The following ATXN7 variants were observed in gnomAD, a reference collection of about 807,000 sequenced individuals.
The protein encoded by ATXN7 is ataxin-7.
Under a neutral mutation model 70.5 loss-of-function variants are expected in ATXN7, and 12 were observed. The observed-to-expected ratio is 0.17, with a 90% CI of 0.11 to 0.28. The LOEUF is 0.28. Ranked by LOEUF, ATXN7 falls within the 10% of genes least tolerant of loss-of-function variation. The pLI, the probability that ATXN7 is intolerant of heterozygous loss-of-function variation, is 1.00. For synonymous variants in ATXN7, 498 were observed against 448.7 expected, an observed-to-expected ratio of 1.11 and a Z score of -1.39; for missense variants, 1,256 against 1,131.7, an observed-to-expected ratio of 1.11 and a Z score of -1.58.
rs375491319 is a variant in ATXN7, at chr3:63,981,638, ATATT to A, written c.753-543_753-540del. ...AATTACCACTTTAGTGACACAACAT[ATATT>A]TATTAAACACTAGTCTCCCTTATTG... On this transcript the variant is annotated intron_variant, in intron 6 of 12. Coordinates refer to ENST00000674280, the MANE Select transcript of ATXN7 (RefSeq NM_001377405.1). Among the ~76,000 whole-genome samples the A allele has an allele frequency of 2.5e-4, 38 of 152,332 alleles. 1 individual carries two copies. The highest frequency in any genetic ancestry group is 8.9e-4 in the African/African-American group (37 of 41,578).
intron 5 of ATXN7, among the ~76,000 whole-genome samples, chr3:63,961,099 T>A (rs1284622075): frequency 1.3e-5 from 2 of 152,212 alleles, no homozygotes; most frequent in Non-Finnish European, 2.9e-5. Flanking sequence ...AGCTCCTTCA[T>A]CTTACTTTTC....
intron 4 of ATXN7, among the ~76,000 whole-genome samples, chr3:63,950,046 A>C (rs1194420743): frequency 3.9e-5 from 6 of 152,154 alleles, no homozygotes; most frequent in Non-Finnish European, 7.3e-5. Context: ...CATCAGTTGC[A>C]ATTGATCTTA....
intron 5 of ATXN7, among the ~76,000 whole-genome samples, chr3:63,974,132 C>T (rs1386594574): frequency 1.3e-5 from 2 of 150,252 alleles, no homozygotes; most frequent in Admixed American, 1.3e-4. Context: ...CTATCAAAAC[C>T]ATCTTGGATG....
chr3:63,886,976 G>C (rs1703104119), intron 1 of ATXN7, among the ~76,000 whole-genome samples: 1 of 152,184 alleles, frequency 6.6e-6, no homozygotes, highest in Non-Finnish European at 1.5e-5. Flanking sequence ...GGCATTTGCT[G>C]TCCTAGTTAA....
At position 63,865,894 on chromosome 3, in the gene ATXN7, C is replaced by CAAAAAAA. The variant is rs34205947; in HGVS notation, c.-111+1761_-111+1767dup. 8.9e-3 allele frequency among the ~76,000 whole-genome samples: 148 copies of CAAAAAAA among 16,554 alleles called. 6 individuals are homozygous for CAAAAAAA. Among genetic ancestry groups the CAAAAAAA allele is most frequent in the Admixed American group, 0.013 (11 of 844 alleles). The allele number at this position is 16,554 out of a possible 152,430, so 10.9% of individuals were successfully genotyped here. ...TGGGCGACAGAGCGAGACTCCATCT[C>CAAAAAAA]AAAAAAAAAAAAAAAAAAAAAAAAA... is the stretch of plus-strand genomic sequence containing the variant. On this transcript the variant is annotated intron_variant, in intron 1 of 12. Transcript: ENST00000674280.
intron 1 of ATXN7, chr3:63,866,933 GATTT>G (rs1702449795): frequency 6.7e-6 from 1 of 149,502 alleles, no homozygotes; most frequent in African/African-American, 2.5e-5. Flanking sequence ...TATATTTATT[GATTT>G]ATTTGAGTCA....
rs552820059 is a variant in ATXN7 at position 63,967,978 on chromosome 3, A to C, written c.500-11937A>C. ...GCAGGAGCTGAAAGCTCCACTGGGT[A>C]AGTTTTCTGAGGCAGTTTTCAGAGT... is the stretch of plus-strand genomic sequence containing the variant. On this transcript the variant is annotated intron_variant, in intron 5 of 12. Transcript: ENST00000674280. The C allele has an allele frequency of 1.4e-5, 21 of 1,535,060 alleles. No homozygotes were observed. The African/African-American group carries it at 2.6e-4, about 19-fold the overall frequency.
chr3:63,907,531 T>G (rs962589763), intron 2 of ATXN7, among the ~76,000 whole-genome samples: 1 of 150,054 alleles, frequency 6.7e-6, no homozygotes, highest in East Asian at 2.0e-4. Context: ...ACGATCTCAG[T>G]TCACTGCAGC....
At chr3:63,984,403 G>A (rs1463412423) in intron 8 of ATXN7, among the ~76,000 whole-genome samples, 1 of 151,998 alleles carries the variant, frequency 6.6e-6, no homozygotes, top group Non-Finnish European at 1.5e-5. Flanking sequence ...GTGGTGTAGT[G>A]GTGGTGGTGT....
intron 5 of ATXN7, among the ~76,000 whole-genome samples, chr3:63,978,030 C>T (rs989983641): frequency 2.0e-5 from 3 of 152,196 alleles, no homozygotes; most frequent in Non-Finnish European, 2.9e-5. Context: ...GCAGTATTCT[C>T]AGTGCCATGC....
intron 4 of ATXN7, among the ~76,000 whole-genome samples, chr3:63,930,865 G>C (rs920482032): frequency 2.6e-5 from 4 of 152,050 alleles, no homozygotes; most frequent in Admixed American, 6.6e-5. Flanking sequence ...GAATGTATCT[G>C]TACTGCTTAA....
chr3:63,987,978 T>G (rs2075606831), intron 8 of ATXN7, 81 bp from the exon 9 acceptor site: 1 of 1,520,858 alleles, frequency 6.6e-7, no homozygotes, highest in South Asian at 1.2e-5. Flanking sequence ...GCTTATTTAT[T>G]GGGAGTGGTG....
intron 6 of ATXN7, 122 bp downstream of exon 6, chr3:63,980,289 T>C (rs2075464019): frequency 1.9e-5 from 25 of 1,312,162 alleles, no homozygotes; most frequent in Non-Finnish European, 2.1e-5. Context: ...AGAATTCAAA[T>C]GTATGTTGTA....
chr3:63,988,474 AGG>A, intron 9 of ATXN7, 150 bp downstream of exon 9: 1 of 1,114,966 alleles, frequency 9.0e-7, no homozygotes, highest in Non-Finnish European at 1.3e-6. Flanking sequence ...AAAAAAAAAA[AGG>A]AAAGGTTGAG....
At chr3:63,901,458 A>G (rs896733844) in intron 2 of ATXN7, 7 of 152,086 alleles carry the variant, frequency 4.6e-5, no homozygotes, top group Admixed American at 3.3e-4. Context: ...CTCTACTTCT[A>G]TGAATTCAAC....
rs577045411 is a variant in ATXN7, at chr3:63,982,946, G to A, written c.1020G>A (p.Glu340=). Residue 340 remains glutamate (E), a synonymous_variant, in exon 8 of 13, where the codon GAG becomes GAA. Transcript: ENST00000674280. The stretch of plus-strand genomic sequence containing the variant: ...CCTGTGTTCTTTTGACAGAAAGAGA[G>A]TTTGATCCTGACATCCACTGTGGGG... The part of the protein sequence containing the change: ...KFLNKRLSER[E]FDPDIHCGVI... 73 of 1,613,932 alleles carry A rather than the reference G, an allele frequency of 4.5e-5. No individual in the cohort carries two copies. In the South Asian group the frequency reaches 6.8e-4, roughly 15 times the overall value.
intron 4 of ATXN7, among the ~76,000 whole-genome samples, chr3:63,941,923 A>T (rs1283556758): frequency 1.3e-5 from 2 of 152,194 alleles, no homozygotes; most frequent in African/African-American, 4.8e-5. Flanking sequence ...ATTACCGACT[A>T]TTGAGAGTCA....
At chr3:63,888,808 G>C (rs1008531002) in intron 1 of ATXN7, among the ~76,000 whole-genome samples, 1 of 151,876 alleles carries the variant, frequency 6.6e-6, no homozygotes, top group Non-Finnish European at 1.5e-5. Context: ...GATCTCCCTT[G>C]TGCTACCCCT....
chr3:63,982,846 T>C, intron 7 of ATXN7, 93 bp from the exon 8 acceptor site: 3 of 968,814 alleles, frequency 3.1e-6, no homozygotes, highest in Non-Finnish European at 4.9e-6. Flanking sequence ...AGCTATAATT[T>C]ATCTAACTGT....
Sources: gnomAD v4.1 joint callset for allele counts (sites outside exome capture counted in the v4.1 genomes callset) on GRCh38, gnomAD v4.1.1 for gene constraint, MANE v1.5 for transcripts, NCBI Gene and HGNC (gene_info 2026-07-23, HGNC 2026-07-21) for gene names.